The following PLEKHA7 variants were observed in gnomAD, a reference collection of about 807,000 sequenced individuals.
PLEKHA7 encodes the protein pleckstrin homology domain containing A7, also known as pleckstrin homology domain-containing family A member 7.
In PLEKHA7, 104 loss-of-function variants were observed where a neutral mutation model predicts 170.0. That is an observed-to-expected ratio of 0.61 (90% CI 0.52 to 0.72). The LOEUF is 0.72. Among genes scored for constraint, PLEKHA7 ranks in the 30% least tolerant of loss-of-function variants. The pLI is 0.00. For missense variants in PLEKHA7, 1,615 were observed against 1,671.7 expected (o/e 0.97, Z 0.59); for synonymous variants, 648 against 660.8 (o/e 0.98, Z 0.30).
At chr11:16,907,277 C>T (rs1857857035) in intron 3 of PLEKHA7, among the ~76,000 whole-genome samples, 1 of 144,334 alleles carries the variant, frequency 6.9e-6, no homozygotes, top group African/African-American at 2.6e-5. Context: ...CAGCCCCCCG[C>T]CCGGCCAGCC....
intron 10 of PLEKHA7, among the ~76,000 whole-genome samples, chr11:16,819,711 G>A (rs552528403): frequency 7.0e-4 from 106 of 152,278 alleles, no homozygotes; most frequent in African/African-American, 2.3e-3. Flanking sequence ...GACAAATACC[G>A]TGTATGACCT....
At chr11:16,786,723 G>A (rs1258397268) in intron 23 of PLEKHA7, 2 of 985,270 alleles carry the variant, frequency 2.0e-6, no homozygotes, top group East Asian at 1.1e-4. Flanking sequence ...TCTAGAGAAG[G>A]GATTTGTCCC....
chr11:16,939,362 C>T (rs955466446), intron 3 of PLEKHA7, among the ~76,000 whole-genome samples: 3 of 151,914 alleles, frequency 2.0e-5, no homozygotes, highest in East Asian at 1.9e-4. Context: ...TGCAATGACC[C>T]GAGATCGTGC....
At chr11:16,888,555 G>A (rs1467117827) in intron 3 of PLEKHA7, among the ~76,000 whole-genome samples, 1 of 152,390 alleles carries the variant, frequency 6.6e-6, no homozygotes, top group East Asian at 1.9e-4. Flanking sequence ...CCAACCCCGT[G>A]CTCTCTGAAA....
intron 3 of PLEKHA7, among the ~76,000 whole-genome samples, chr11:16,931,634 C>T (rs1236350739): frequency 4.6e-5 from 7 of 151,952 alleles, no homozygotes; most frequent in Admixed American, 3.3e-4. Flanking sequence ...CATGGTGGCG[C>T]GCCTGTAATC....
intron 3 of PLEKHA7, among the ~76,000 whole-genome samples, chr11:17,008,380 C>G (rs57165913): frequency 1.3e-5 from 2 of 152,268 alleles, no homozygotes; most frequent in South Asian, 2.1e-4. Flanking sequence ...GAAATGAAGA[C>G]GCAGAGGAGG....
At chr11:16,928,739 G>A (rs1195900612) in intron 3 of PLEKHA7, among the ~76,000 whole-genome samples, 2 of 152,092 alleles carry the variant, frequency 1.3e-5, no homozygotes, top group East Asian at 3.9e-4. Flanking sequence ...ACAGGCATGA[G>A]CCACAGCACC....
At chr11:17,011,374 C>CA (rs148873557) in intron 3 of PLEKHA7, among the ~76,000 whole-genome samples, 2,559 of 152,254 alleles carry the variant, frequency 0.017, 89 homozygotes, top group African/African-American at 0.058. Context: ...CCCATCAAAA[C>CA]AAACATGCTG....
chr11:16,937,071 T>C (rs1780610003), intron 3 of PLEKHA7, among the ~76,000 whole-genome samples: 3 of 152,236 alleles, frequency 2.0e-5, no homozygotes, highest in Non-Finnish European at 2.9e-5. Flanking sequence ...AGCAGGTTAA[T>C]AACCTGGAGT....
At chr11:16,948,160 A>C (rs1177261661) in intron 3 of PLEKHA7, among the ~76,000 whole-genome samples, 1 of 152,130 alleles carries the variant, frequency 6.6e-6, no homozygotes, top group Non-Finnish European at 1.5e-5. Context: ...AACGGTGGTT[A>C]CCAGAGGCTG....
chr11:16,936,426 A>AAAAAAAAAAGGGC (rs1860307332), intron 3 of PLEKHA7, among the ~76,000 whole-genome samples: 1 of 148,482 alleles, frequency 6.7e-6, no homozygotes, highest in Non-Finnish European at 1.5e-5. Context: ...AAAAAAAAAA[A>AAAAAAAAAAGGGC]TCAGGTCTCT....
At chr11:16,891,535 C>T (rs1447620868) in intron 3 of PLEKHA7, among the ~76,000 whole-genome samples, 1 of 152,180 alleles carries the variant, frequency 6.6e-6, no homozygotes, top group Non-Finnish European at 1.5e-5. Flanking sequence ...ATAGCAGCCA[C>T]AGCAAGTGAA....
rs138206685 is a variant in PLEKHA7 at position 16,863,649 on chromosome 11, C to T, written c.305+7450G>A. ...TCGGGAACGCTTCTCTCCTCTTCCC[C>T]GAGAGCTGCAGAGGCATTCGTCAGT... On this transcript the variant is annotated intron_variant, in intron 4 of 26. Transcript: ENST00000531066. 8.0e-3 allele frequency among the ~76,000 whole-genome samples: 1,217 copies of T among 152,258 alleles called. 19 individuals are homozygous for T. Among genetic ancestry groups the T allele is most frequent in the African/African-American group, 0.027 (1,123 of 41,552 alleles).
intron 3 of PLEKHA7, among the ~76,000 whole-genome samples, chr11:16,996,190 G>A (rs1034860180): frequency 5.9e-5 from 9 of 152,170 alleles, no homozygotes; most frequent in Admixed American, 2.6e-4. Context: ...GGCAGATACC[G>A]GCATTTACCT....
chr11:16,840,781 A>G (rs7108206), intron 9 of PLEKHA7, among the ~76,000 whole-genome samples: 1 of 152,176 alleles, frequency 6.6e-6, no homozygotes, highest in Admixed American at 6.5e-5. Flanking sequence ...ACACTGCATG[A>G]AAGAGATCAT....
At chr11:16,918,821 G>A (rs552589340) in intron 3 of PLEKHA7, among the ~76,000 whole-genome samples, 2 of 152,038 alleles carry the variant, frequency 1.3e-5, no homozygotes, top group South Asian at 4.1e-4. Flanking sequence ...AAGCATAACA[G>A]CTGCCAAATG....
intron 8 of PLEKHA7, among the ~76,000 whole-genome samples, chr11:16,842,077 T>C (rs1203049229): frequency 6.6e-6 from 1 of 152,240 alleles, no homozygotes; most frequent in Non-Finnish European, 1.5e-5. Flanking sequence ...TGTTTTGGTT[T>C]TGCTGAAGCC....
chr11:16,889,224 T>G (rs1435860825), intron 3 of PLEKHA7, among the ~76,000 whole-genome samples: 1 of 151,470 alleles, frequency 6.6e-6, no homozygotes, highest in Non-Finnish European at 1.5e-5. Context: ...TCTTATGATC[T>G]CCCCACCATG....
intron 3 of PLEKHA7, among the ~76,000 whole-genome samples, chr11:16,883,254 G>A (rs1368799624): frequency 3.9e-5 from 6 of 152,184 alleles, no homozygotes; most frequent in African/African-American, 1.4e-4. Context: ...ACACTCTTAA[G>A]AGTGGAGGAA....
Sources: allele counts gnomAD v4.1 joint callset (sites outside exome capture counted in the v4.1 genomes callset), GRCh38; gene constraint gnomAD v4.1.1; transcripts MANE v1.5; gene names NCBI Gene and HGNC (gene_info 2026-07-23, HGNC 2026-07-21).